RGS7: variants seen among roughly 807,000 people sequenced by gnomAD.
RGS7 encodes regulator of G protein signaling 7, also known as regulator of G-protein signaling 7.
RGS7 carries 27 observed loss-of-function variants against 81.1 expected under a neutral mutation model. That is an observed-to-expected ratio of 0.33 (90% CI 0.25 to 0.46). RGS7 has a LOEUF of 0.46. RGS7 is among the 20% of genes least tolerant of loss of function. The pLI, the probability that RGS7 is intolerant of heterozygous loss-of-function variation, is 1.00. For synonymous variants in RGS7, 208 were observed against 207.7 expected (o/e 1.00, Z -0.01); for missense variants, 396 against 607.4 (o/e 0.65, Z 3.66).
intron 9 of RGS7, among the ~76,000 whole-genome samples, chr1:240,835,524 G>A (rs1056143067): frequency 4.6e-5 from 7 of 152,148 alleles, no homozygotes; most frequent in African/African-American, 1.7e-4. Flanking sequence ...TTTGCAAGAC[G>A]GTTTGGCAGT....
chr1:240,774,814 T>C (rs2102935044), downstream of RGS7, among the ~76,000 whole-genome samples: 1 of 152,304 alleles, frequency 6.6e-6, no homozygotes. Context: ...TCCATAGCTT[T>C]AGATTCAAGC....
At chr1:241,147,247 T>C (rs974770812) in intron 2 of RGS7, among the ~76,000 whole-genome samples, 2 of 152,182 alleles carry the variant, frequency 1.3e-5, no homozygotes, top group African/African-American at 4.8e-5. Context: ...GGAGAGGCAA[T>C]GAATAATATG....
chr1:241,223,461 AAAG>A (rs1269124455), intron 2 of RGS7, among the ~76,000 whole-genome samples: 2 of 152,290 alleles, frequency 1.3e-5, no homozygotes, highest in African/African-American at 4.8e-5. Context: ...GTCCCAGTTT[AAAG>A]AAGAAGATAG....
At chr1:241,034,812 C>T (rs2060248842) in intron 3 of RGS7, among the ~76,000 whole-genome samples, 2 of 152,084 alleles carry the variant, frequency 1.3e-5, no homozygotes, top group Admixed American at 1.3e-4. Context: ...GTTAAATAGA[C>T]TGAACAATGG....
chr1:241,303,744 C>T (rs1558294203), intron 2 of RGS7, among the ~76,000 whole-genome samples: 1 of 152,190 alleles, frequency 6.6e-6, no homozygotes, highest in Non-Finnish European at 1.5e-5. Context: ...GTTAAGGGAA[C>T]TGGGTTGTTT....
chr1:241,076,266 C>T (rs1034617346), intron 3 of RGS7, among the ~76,000 whole-genome samples: 6 of 152,094 alleles, frequency 3.9e-5, no homozygotes, highest in African/African-American at 1.2e-4. Context: ...TTTGCCTTTT[C>T]CTGGTTGAGT....
At chr1:240,982,309 C>G (rs2148555168) in intron 4 of RGS7, among the ~76,000 whole-genome samples, 1 of 150,870 alleles carries the variant, frequency 6.6e-6, no homozygotes, top group South Asian at 2.1e-4. Flanking sequence ...ATAATCCCAG[C>G]TACTCGGGAG....
intron 4 of RGS7, among the ~76,000 whole-genome samples, chr1:240,957,083 A>C (rs1477713317): frequency 6.6e-6 from 1 of 152,158 alleles, no homozygotes; most frequent in African/African-American, 2.4e-5. Flanking sequence ...AGAGGAGATT[A>C]ACATTTGAGG....
intron 3 of RGS7, among the ~76,000 whole-genome samples, chr1:241,079,651 A>G (rs762339361): frequency 6.6e-6 from 1 of 152,156 alleles, no homozygotes; most frequent in Non-Finnish European, 1.5e-5. Flanking sequence ...GGAGAAAACC[A>G]AATGATGTCA....
chr1:240,853,642 ACG>A (rs1306996237), intron 9 of RGS7, among the ~76,000 whole-genome samples: 1 of 152,160 alleles, frequency 6.6e-6, no homozygotes, highest in Non-Finnish European at 1.5e-5. Flanking sequence ...GCAGTGACTC[ACG>A]CCTGAAACCC....
chr1:240,889,854 T>A (rs1020680650), intron 6 of RGS7, among the ~76,000 whole-genome samples: 1 of 152,142 alleles, frequency 6.6e-6, no homozygotes, highest in Non-Finnish European at 1.5e-5. Flanking sequence ...GCCCTGTTCT[T>A]GTAGTGTCCC....
intron 2 of RGS7, among the ~76,000 whole-genome samples, chr1:241,124,415 A>T (rs149768833): frequency 7.5e-4 from 114 of 152,292 alleles, no homozygotes; most frequent in African/African-American, 2.6e-3. Flanking sequence ...TAAAAAAGAA[A>T]GAAAACAAGA....
intron 2 of RGS7, among the ~76,000 whole-genome samples, chr1:241,354,506 G>C (rs1408458583): frequency 6.6e-6 from 1 of 152,148 alleles, no homozygotes; most frequent in African/African-American, 2.4e-5. Flanking sequence ...AGCTAGCATT[G>C]TACCAGGACG....
chr1:241,297,651 T>C (rs953861688), intron 2 of RGS7, among the ~76,000 whole-genome samples: 4 of 151,470 alleles, frequency 2.6e-5, no homozygotes, highest in Non-Finnish European at 5.9e-5. Context: ...AAGCTTGGGG[T>C]TGCCATGAGA....
At chr1:241,087,277 T>C (rs1420461691) in intron 3 of RGS7, among the ~76,000 whole-genome samples, 1 of 152,168 alleles carries the variant, frequency 6.6e-6, no homozygotes, top group Non-Finnish European at 1.5e-5. Flanking sequence ...ATACTGTGAA[T>C]AAAATAATTT....
chr1:241,090,567 A>G (rs963492390), intron 3 of RGS7, among the ~76,000 whole-genome samples: 1 of 152,196 alleles, frequency 6.6e-6, no homozygotes, highest in Non-Finnish European at 1.5e-5. Flanking sequence ...CTTGAGAAAA[A>G]AAAAGTAGAG....
chr1:241,340,545 G>A (rs1013114374), intron 2 of RGS7, among the ~76,000 whole-genome samples: 1 of 152,054 alleles, frequency 6.6e-6, no homozygotes, highest in South Asian at 2.1e-4. Context: ...TTATTTCATA[G>A]GTCTAAAACA....
At chr1:240,970,639 G>A (rs1032617427) in intron 4 of RGS7, among the ~76,000 whole-genome samples, 1 of 152,186 alleles carries the variant, frequency 6.6e-6, no homozygotes, top group Non-Finnish European at 1.5e-5. Context: ...GTACACTAGA[G>A]CATTCCCAAG....
intron 3 of RGS7, among the ~76,000 whole-genome samples, chr1:241,008,637 G>A (rs1396500377): frequency 6.6e-6 from 1 of 152,112 alleles, no homozygotes; most frequent in African/African-American, 2.4e-5. Flanking sequence ...ATGTGGCCGT[G>A]TGCAGAGGCT....
Sources: allele counts gnomAD v4.1 joint callset (sites outside exome capture counted in the v4.1 genomes callset), GRCh38; gene constraint gnomAD v4.1.1; transcripts MANE v1.5; gene names NCBI Gene and HGNC (gene_info 2026-07-23, HGNC 2026-07-21).